The following MAST2 variants were observed in gnomAD, a reference collection of about 807,000 sequenced individuals.
The protein encoded by MAST2 is microtubule-associated serine/threonine-protein kinase 2.
MAST2 carries 70 observed loss-of-function variants against 147.4 expected under a neutral mutation model. The observed-to-expected ratio is 0.47, with a 90% CI of 0.39 to 0.58. The LOEUF is 0.58. MAST2 is among the 20% of genes least tolerant of loss of function. The pLI, the probability that MAST2 is intolerant of heterozygous loss-of-function variation, is 0.00. For synonymous variants in MAST2, 869 were observed against 896.8 expected (o/e 0.97, Z 0.55); for missense variants, 2,080 against 2,302.3 (o/e 0.90, Z 1.98).
At chr1:45,850,548 GTTTGTTTGT>G (rs1368812855) in intron 3 of MAST2, among the ~76,000 whole-genome samples, 1 of 120,426 alleles carries the variant, frequency 8.3e-6, no homozygotes, top group African/African-American at 3.0e-5. Flanking sequence ...TTCCTAGTTT[GTTTGTTTGT>G]TTTTTCCCTA....
At chr1:45,849,893 A>G (rs1390220591) in intron 3 of MAST2, among the ~76,000 whole-genome samples, 3 of 152,148 alleles carry the variant, frequency 2.0e-5, no homozygotes, top group African/African-American at 7.2e-5. Flanking sequence ...ACTATTGTGA[A>G]TAGTGCTGTG....
intron 5 of MAST2, 136 bp from the exon 6 acceptor site, chr1:45,997,588 C>A: frequency 1.5e-6 from 1 of 678,644 alleles, no homozygotes; most frequent in Non-Finnish European, 2.6e-6. Context: ...CAGAAAGAGA[C>A]TCATTAAACT....
chr1:45,816,206 G>GGAGAGAGAGAGAAAGA (rs1644446474), intron 1 of MAST2, among the ~76,000 whole-genome samples: 2 of 137,306 alleles, frequency 1.5e-5, no homozygotes, highest in Non-Finnish European at 1.5e-5. Flanking sequence ...GGGGTGGGGG[G>GGAGAGAGAGAGAAAGA]GAGAGAGAGA....
chr1:46,003,483 T>C (rs1173992904), intron 7 of MAST2, among the ~76,000 whole-genome samples: 8 of 152,132 alleles, frequency 5.3e-5, no homozygotes, highest in Admixed American at 3.3e-4. Flanking sequence ...GCAACTTTTT[T>C]TTTTTTGAAA....
intron 5 of MAST2, among the ~76,000 whole-genome samples, chr1:45,975,653 T>G: frequency 6.9e-6 from 1 of 144,992 alleles, no homozygotes; most frequent in Non-Finnish European, 1.5e-5. Flanking sequence ...CTCCAGCCTG[T>G]GAAACAGAGC....
intron 4 of MAST2, among the ~76,000 whole-genome samples, chr1:45,895,661 T>C (rs1648607338): frequency 6.6e-6 from 1 of 152,138 alleles, no homozygotes. Context: ...GACAGTTTTT[T>C]TAAAAAAAGT....
intron 5 of MAST2, among the ~76,000 whole-genome samples, chr1:45,976,500 A>G (rs1459863350): frequency 6.6e-6 from 1 of 152,156 alleles, no homozygotes; most frequent in Non-Finnish European, 1.5e-5. Flanking sequence ...AGGGGCCACA[A>G]CATGTGAGAA....
intron 6 of MAST2, among the ~76,000 whole-genome samples, chr1:45,998,794 C>G (rs1035366951): frequency 1.2e-4 from 18 of 150,922 alleles, no homozygotes; most frequent in Non-Finnish European, 1.9e-4. Context: ...GTGGCATGAT[C>G]TCGGCTCACT....
chr1:45,971,166 T>TTGTAGTTGCAGCCAACTGGA (rs1643899078), intron 5 of MAST2, among the ~76,000 whole-genome samples: 1 of 152,180 alleles, frequency 6.6e-6, no homozygotes, highest in African/African-American at 2.4e-5. Flanking sequence ...TCAGGACTTG[T>TTGTAGTTGCAGCCAACTGGA]TGTAGTTGCA....
chr1:46,022,827 A>G (rs1646244064), intron 12 of MAST2, 83 bp from the exon 13 acceptor site: 6 of 999,288 alleles, frequency 6.0e-6, no homozygotes, highest in South Asian at 3.9e-5. Context: ...ACTACCCTAC[A>G]TGCACCTGTT....
chr1:45,877,564 A>T (rs6429583), intron 3 of MAST2, among the ~76,000 whole-genome samples: 152,097 of 152,334 alleles, frequency 1, 75,934 homozygotes, highest in Non-Finnish European at 1. Flanking sequence ...ATAAGTATGA[A>T]GTCAAAATTG....
At chr1:45,878,235 C>T (rs1193150173) in intron 3 of MAST2, among the ~76,000 whole-genome samples, 3 of 148,426 alleles carry the variant, frequency 2.0e-5, no homozygotes, top group African/African-American at 4.9e-5. Flanking sequence ...TTGACTTTAA[C>T]TCAGAAATGC....
At chr1:46,015,704 G>A (rs1225673452) in intron 10 of MAST2, among the ~76,000 whole-genome samples, 1 of 152,112 alleles carries the variant, frequency 6.6e-6, no homozygotes, top group Admixed American at 6.5e-5. Context: ...ACCAAAAAGA[G>A]TCCAGGACCA....
intron 5 of MAST2, among the ~76,000 whole-genome samples, chr1:45,962,773 TAA>T (rs1435586695): frequency 6.6e-6 from 1 of 152,228 alleles, no homozygotes; most frequent in Non-Finnish European, 1.5e-5. Context: ...CTCTTTAGTT[TAA>T]TTAGATCCCA....
At chr1:45,842,156 C>CTGGG (rs1645297595) in intron 3 of MAST2, among the ~76,000 whole-genome samples, 1 of 152,092 alleles carries the variant, frequency 6.6e-6, no homozygotes, top group Admixed American at 6.5e-5. Flanking sequence ...TCCCTAAGTA[C>CTGGG]TGGGATTATA....
chr1:45,980,775 A>G (rs1644374778), intron 5 of MAST2, among the ~76,000 whole-genome samples: 2 of 152,074 alleles, frequency 1.3e-5, no homozygotes, highest in African/African-American at 4.8e-5. Flanking sequence ...AGCTGAAGTG[A>G]TCCTCCTGCC....
chr1:45,885,844 A>G (rs559458094), intron 4 of MAST2, among the ~76,000 whole-genome samples: 56 of 152,310 alleles, frequency 3.7e-4, no homozygotes, highest in African/African-American at 1.3e-3. Context: ...CATTCTACTT[A>G]AGAGAGACAA....
chr1:45,844,939 G>T (rs1206948527), intron 3 of MAST2, among the ~76,000 whole-genome samples: 1 of 152,084 alleles, frequency 6.6e-6, no homozygotes, highest in African/African-American at 2.4e-5. Flanking sequence ...GTTTCCTCAC[G>T]TGGCAGAAGG....
In MAST2 at chr1:45,950,183, A is replaced by G. The variant is rs80240743; in HGVS notation, c.501-9203A>G. 3.0e-3 allele frequency among the ~76,000 whole-genome samples: 450 copies of G among 152,250 alleles called. 2 individuals carry two copies. Among genetic ancestry groups the G allele is most frequent in the East Asian group, 0.02 (104 of 5,186 alleles). On this transcript the variant is annotated intron_variant, in intron 4 of 28. Coordinates refer to ENST00000361297, the MANE Select transcript of MAST2 (RefSeq NM_015112.3). The stretch of plus-strand genomic sequence containing the variant: ...AAACCCCTGTGTCAGGAGTTTACCT[A>G]TGTACCTGAATATGTACCCCTGAAC...
Sources: allele counts gnomAD v4.1 joint callset (sites outside exome capture counted in the v4.1 genomes callset), GRCh38; gene constraint gnomAD v4.1.1; transcripts MANE v1.5; gene names NCBI Gene and HGNC (gene_info 2026-07-23, HGNC 2026-07-21).